Variants in DCC observed in about 807,000 individuals in gnomAD.
The protein encoded by DCC is DCC netrin 1 receptor.
In DCC, 58 loss-of-function variants were observed where a neutral mutation model predicts 172.5. That is an observed-to-expected ratio of 0.34 (90% CI 0.27 to 0.42). DCC has a LOEUF of 0.42. Among genes scored for constraint, DCC ranks in the 10% least tolerant of loss-of-function variants. The pLI is 1.00. For missense variants in DCC, 1,740 were observed against 1,791.0 expected (o/e 0.97, Z 0.51); for synonymous variants, 709 against 644.5 (o/e 1.10, Z -1.52).
At chr18:52,463,742 T>C (rs1023356549) in intron 1 of DCC, among the ~76,000 whole-genome samples, 3 of 152,304 alleles carry the variant, frequency 2.0e-5, no homozygotes, top group Admixed American at 6.5e-5. Context: ...GTGCTGAGGA[T>C]ATAACAAAAA....
intron 2 of DCC, among the ~76,000 whole-genome samples, chr18:52,825,682 G>A: frequency 7.7e-6 from 1 of 129,280 alleles, no homozygotes; most frequent in Admixed American, 7.6e-5. Flanking sequence ...AATTGTTTTG[G>A]TTTGTTTTAA....
At chr18:52,617,738 A>C (rs1413947524) in intron 1 of DCC, among the ~76,000 whole-genome samples, 1 of 152,172 alleles carries the variant, frequency 6.6e-6, no homozygotes, top group Non-Finnish European at 1.5e-5. Flanking sequence ...AATATGAGTA[A>C]AATGTTTTTT....
intron 9 of DCC, among the ~76,000 whole-genome samples, chr18:53,186,426 G>A (rs889500647): frequency 6.6e-5 from 10 of 152,214 alleles, no homozygotes; most frequent in Non-Finnish European, 1.0e-4. Context: ...GAACATCTTC[G>A]GGGATATTGT....
At chr18:53,388,473 C>T (rs1908320899) in intron 16 of DCC, among the ~76,000 whole-genome samples, 1 of 152,200 alleles carries the variant, frequency 6.6e-6, no homozygotes, top group South Asian at 2.1e-4. Flanking sequence ...TCAGAATAAG[C>T]ATCAGGCTAT....
At chr18:53,495,389 C>CA (rs71179511) in intron 26 of DCC, among the ~76,000 whole-genome samples, 87,996 of 116,512 alleles carry the variant, frequency 0.76, 33,880 homozygotes, top group Non-Finnish European at 0.86. Context: ...GACTCCATCT[C>CA]AAAAAAAAAA....
At chr18:52,590,013 A>T (rs1468804915) in intron 1 of DCC, among the ~76,000 whole-genome samples, 1 of 152,198 alleles carries the variant, frequency 6.6e-6, no homozygotes, top group Non-Finnish European at 1.5e-5. Flanking sequence ...TTAAAAAAAG[A>T]TATACTTTCC....
intron 8 of DCC, among the ~76,000 whole-genome samples, chr18:53,172,751 C>G (rs1416360877): frequency 2.0e-5 from 3 of 152,048 alleles, no homozygotes; most frequent in Non-Finnish European, 4.4e-5. Flanking sequence ...TCATTGTCCC[C>G]TTTTTCCCTA....
At chr18:53,018,760 G>A (rs1350703448) in intron 5 of DCC, among the ~76,000 whole-genome samples, 6 of 152,118 alleles carry the variant, frequency 3.9e-5, no homozygotes, top group Non-Finnish European at 8.8e-5. Context: ...ACACCTGTTT[G>A]ATGAATAAAA....
At chr18:52,445,984 T>G (rs1207440748) in intron 1 of DCC, among the ~76,000 whole-genome samples, 1 of 152,174 alleles carries the variant, frequency 6.6e-6, no homozygotes, top group Non-Finnish European at 1.5e-5. Flanking sequence ...CAGGCTAGAG[T>G]GCAGTGGCGG....
chr18:52,963,120 AT>A lies in DCC; in HGVS notation c.985+37751del, dbSNP rs1220819961. Among the ~76,000 whole-genome samples, 42 of 151,952 alleles carry A rather than the reference AT, an allele frequency of 2.8e-4. No homozygotes were observed. The East Asian group carries it at 7.9e-3, about 29-fold the overall frequency. On this transcript the variant is annotated intron_variant, in intron 5 of 28. Coordinates refer to ENST00000442544, the MANE Select transcript of DCC (RefSeq NM_005215.4). Reference sequence around the variant, plus strand: ...TTATAATTATAATAAAATTAAAAAAATAAAAAAAAGTGAATTAAGACTCCAG... The same window carrying A: ...TTATAATTATAATAAAATTAAAAAAAAAAAAAAAGTGAATTAAGACTCCAG...
intron 7 of DCC, among the ~76,000 whole-genome samples, chr18:53,073,263 G>A (rs1295873075): frequency 6.6e-6 from 1 of 152,076 alleles, no homozygotes; most frequent in Admixed American, 6.6e-5. Flanking sequence ...CGGTGGCTCA[G>A]GCCTGTAATC....
At chr18:53,042,155 T>A (rs2042177174) in intron 5 of DCC, among the ~76,000 whole-genome samples, 1 of 151,966 alleles carries the variant, frequency 6.6e-6, no homozygotes. Flanking sequence ...CATAAATAGA[T>A]CTTATTATTT....
intron 20 of DCC, among the ~76,000 whole-genome samples, chr18:53,413,333 A>C (rs1372122039): frequency 6.6e-6 from 1 of 152,192 alleles, no homozygotes; most frequent in African/African-American, 2.4e-5. Flanking sequence ...ACCAGTATAG[A>C]AAAAAGTTCT....
chr18:53,446,722 G>A (rs1425804136), intron 22 of DCC, among the ~76,000 whole-genome samples: 1 of 152,102 alleles, frequency 6.6e-6, no homozygotes, highest in Non-Finnish European at 1.5e-5. Flanking sequence ...AAAATTTTGG[G>A]TTGCCCAGTG....
At chr18:53,257,826 G>T (rs1242206998) in intron 12 of DCC, among the ~76,000 whole-genome samples, 1 of 152,170 alleles carries the variant, frequency 6.6e-6, no homozygotes, top group Non-Finnish European at 1.5e-5. Context: ...ATTTGGCTGT[G>T]AATCCATCTG....
chr18:53,275,042 A>T (rs1468547688), intron 12 of DCC, among the ~76,000 whole-genome samples: 1 of 152,138 alleles, frequency 6.6e-6, no homozygotes, highest in African/African-American at 2.4e-5. Context: ...TAAATTGTCA[A>T]TCAATGCAAA....
intron 5 of DCC, among the ~76,000 whole-genome samples, chr18:52,948,965 C>T (rs2040592990): frequency 6.6e-6 from 1 of 152,172 alleles, no homozygotes; most frequent in Non-Finnish European, 1.5e-5. Flanking sequence ...TGCTTGTAAC[C>T]CTTATGCAAA....
At chr18:52,925,103 A>C (rs941116909) in intron 4 of DCC, 131 bp from the exon 5 acceptor site, 2 of 892,786 alleles carry the variant, frequency 2.2e-6, no homozygotes, top group African/African-American at 3.3e-5. Flanking sequence ...GACTTTAATC[A>C]AGCCCTTATG....
At chr18:52,480,846 C>T (rs1260455992) in intron 1 of DCC, among the ~76,000 whole-genome samples, 1 of 151,988 alleles carries the variant, frequency 6.6e-6, no homozygotes, top group African/African-American at 2.4e-5. Context: ...ATATACCCCC[C>T]AATTTTTTTT....
Sources: gnomAD v4.1 joint callset for allele counts (sites outside exome capture counted in the v4.1 genomes callset) on GRCh38, gnomAD v4.1.1 for gene constraint, MANE v1.5 for transcripts, NCBI Gene and HGNC (gene_info 2026-07-23, HGNC 2026-07-21) for gene names.